PTPN4: variants seen among roughly 807,000 people sequenced by gnomAD.
The protein encoded by PTPN4 is tyrosine-protein phosphatase non-receptor type 4.
A neutral mutation model predicts 135.5 loss-of-function variants in PTPN4; 49 were observed. That is an observed-to-expected ratio of 0.36 (90% CI 0.29 to 0.46). The LOEUF (loss-of-function observed/expected upper bound fraction) is 0.46, where lower values mean the gene tolerates loss of function less well. PTPN4 is among the 20% of genes least tolerant of loss of function. The pLI is 1.00. For missense variants in PTPN4, 860 were observed against 1,101.0 expected (o/e 0.78, Z 3.10); for synonymous variants, 333 against 369.9 (o/e 0.90, Z 1.14).
At chr2:119,970,241 G>C (rs958345646) in intron 26 of PTPN4, among the ~76,000 whole-genome samples, 13 of 151,764 alleles carry the variant, frequency 8.6e-5, no homozygotes, top group Non-Finnish European at 1.9e-4. Flanking sequence ...TGTATTTTTA[G>C]TAGACACAGG....
In PTPN4 at chr2:119,906,897, G is replaced by C. The variant is rs1678497428; in HGVS notation, c.764+6091G>C. Among the ~76,000 whole-genome samples the C allele has an allele frequency of 1.3e-5, 2 of 152,142 alleles. 1 individual carries two copies. On this transcript the variant is annotated intron_variant, in intron 10 of 26. Coordinates refer to ENST00000263708, the MANE Select transcript of PTPN4 (RefSeq NM_002830.4). ...AATTGTTCCTCTTTGCAGAAAACCTGATCATAAAGAAAAGCCTGAAGACTC... is the reference window on the plus strand; with the variant it reads ...AATTGTTCCTCTTTGCAGAAAACCTCATCATAAAGAAAAGCCTGAAGACTC...
rs190884259 is a variant in PTPN4, at chr2:119,874,937, G to A, written c.247-2386G>A. Among the ~76,000 whole-genome samples the A allele has an allele frequency of 5.9e-5, 9 of 152,162 alleles. No individual in the cohort carries two copies. The South Asian group carries it at 6.2e-4, about 11-fold the overall frequency. On this transcript the variant is annotated intron_variant, in intron 3 of 26. Coordinates refer to ENST00000263708, the MANE Select transcript of PTPN4 (RefSeq NM_002830.4). ...TCTTCTCACGTGTGTGTCATCAAAC[G>A]TTTTAGTCTTTGCCCAATATTACTG...
In PTPN4 at chr2:119,984,421, G is replaced by A. The variant is rs1484436065; in HGVS notation, c.*7351G>A. On this transcript the variant is annotated 3_prime_UTR_variant, in exon 27 of 27. Transcript: ENST00000263708. ...TCATGTTTGATTCTATTAAACTAGT[G>A]GCAAAACAGAATTGGTCCCTTAGTT... 6.6e-6 allele frequency among the ~76,000 whole-genome samples: 1 copy of A among 152,028 alleles called. No individual in the cohort carries two copies. Among genetic ancestry groups the A allele is most frequent in the Non-Finnish European group, 1.5e-5 (1 of 68,000 alleles).
chr2:119,915,620 G>C (rs1678642323), intron 11 of PTPN4: 1 of 154,556 alleles, frequency 6.5e-6, no homozygotes, highest in Non-Finnish European at 1.4e-5. Context: ...TTTTAGGGGA[G>C]CTGAGTGTTA....
At chr2:119,795,716 A>T (rs188923261) in intron 1 of PTPN4, among the ~76,000 whole-genome samples, 5 of 152,200 alleles carry the variant, frequency 3.3e-5, no homozygotes, top group African/African-American at 1.2e-4. Context: ...TTGCAGCAAC[A>T]TCCATGCCTG....
chr2:119,802,027 A>C (rs1483441611), intron 1 of PTPN4, among the ~76,000 whole-genome samples: 1 of 150,380 alleles, frequency 6.6e-6, no homozygotes, highest in Non-Finnish European at 1.5e-5. Flanking sequence ...CAGTCTCCCA[A>C]GTAGCTGGGA....
At chr2:119,914,800 T>G (rs1435878927) in intron 10 of PTPN4, among the ~76,000 whole-genome samples, 2 of 152,138 alleles carry the variant, frequency 1.3e-5, no homozygotes, top group Non-Finnish European at 2.9e-5. Flanking sequence ...CAAAGGTAAA[T>G]TTTTAAAATT....
chr2:119,947,974 A>G (rs920727818), intron 18 of PTPN4, among the ~76,000 whole-genome samples: 11 of 152,058 alleles, frequency 7.2e-5, no homozygotes, highest in Non-Finnish European at 4.4e-5. Flanking sequence ...GTAAACCCTT[A>G]ATAGACCCAG....
chr2:119,794,672 T>G lies in PTPN4; in HGVS notation c.-17-15165T>G, dbSNP rs146273579. Among the ~76,000 whole-genome samples the G allele has an allele frequency of 7.1e-4, 108 of 152,314 alleles. 3 individuals carry two copies. In the East Asian group the frequency reaches 0.02, roughly 28 times the overall value. On this transcript the variant is annotated intron_variant, in intron 1 of 26. Transcript: ENST00000263708. ...GGAGAGTTTCTAGGTCTGGGCTCCCTGAAGGGCTGCAGCATTTCTCTCCTC... is the reference window on the plus strand; with the variant it reads ...GGAGAGTTTCTAGGTCTGGGCTCCCGGAAGGGCTGCAGCATTTCTCTCCTC...
intron 1 of PTPN4, among the ~76,000 whole-genome samples, chr2:119,764,261 T>C (rs1690567704): frequency 6.6e-6 from 1 of 152,178 alleles, no homozygotes; most frequent in Non-Finnish European, 1.5e-5. Flanking sequence ...TGGAACAAAG[T>C]TTGAATCTTT....
intron 5 of PTPN4, among the ~76,000 whole-genome samples, chr2:119,880,596 ATTTTTTTTTTTTTG>A (rs1218676188): frequency 1.4e-5 from 2 of 143,412 alleles, no homozygotes; most frequent in Non-Finnish European, 3.1e-5. Flanking sequence ...CGCCTGGCTA[ATTTTTTTTTTTTTG>A]TATTTTTAGT....
intron 19 of PTPN4, 52 bp from the exon 20 acceptor site, chr2:119,955,105 G>T: frequency 6.8e-7 from 1 of 1,469,508 alleles, no homozygotes; most frequent in Non-Finnish European, 9.2e-7. Flanking sequence ...CCTATCGTGT[G>T]AATTCATTAA....
In PTPN4 at chr2:119,818,992, A is replaced by G. The variant is rs202042513; in HGVS notation, c.138+9001A>G. On this transcript the variant is annotated intron_variant, in intron 2 of 26. Transcript: ENST00000263708. ...TTCTAACCCTGTGTACGCACATCCT[A>G]TGAAGCAAGTAAGGACCAAAGGGCA... Among the ~76,000 whole-genome samples, 11 of 152,298 alleles carry G rather than the reference A, an allele frequency of 7.2e-5. No individual in the cohort carries two copies. In the East Asian group the frequency reaches 1.9e-3, roughly 27 times the overall value.
chr2:119,909,859 T>C (rs1159978782), intron 10 of PTPN4, among the ~76,000 whole-genome samples: 1 of 151,986 alleles, frequency 6.6e-6, no homozygotes, highest in Non-Finnish European at 1.5e-5. Context: ...GGGGTGGAAA[T>C]AACAAGAGAA....
chr2:119,765,388 A>G (rs1196420661), intron 1 of PTPN4, among the ~76,000 whole-genome samples: 1 of 152,224 alleles, frequency 6.6e-6, no homozygotes, highest in Non-Finnish European at 1.5e-5. Context: ...TTAAAACCCT[A>G]GGACTGGGAT....
At chr2:119,800,946 A>G (rs1472051839) in intron 1 of PTPN4, among the ~76,000 whole-genome samples, 3 of 152,118 alleles carry the variant, frequency 2.0e-5, no homozygotes, top group Non-Finnish European at 1.5e-5. Flanking sequence ...CAGTCTTGAT[A>G]AATGTAGGTA....
chr2:119,841,673 C>T (rs941585111), intron 2 of PTPN4, among the ~76,000 whole-genome samples: 1 of 151,790 alleles, frequency 6.6e-6, no homozygotes. Flanking sequence ...TAGATTTACA[C>T]AATTTATGTT....
At chr2:119,827,182 A>T (rs1039044199) in intron 2 of PTPN4, among the ~76,000 whole-genome samples, 3 of 152,190 alleles carry the variant, frequency 2.0e-5, no homozygotes, top group African/African-American at 7.2e-5. Context: ...AGAATACTTG[A>T]AGGTTGCTTG....
chr2:119,955,045 C>T lies in PTPN4; in HGVS notation c.1814-112C>T, dbSNP rs1014734352. ...GACTCAGATCTGGTGTAATTCTTCACAAATGAATTATTTTTTGAACAAAAC... is the reference window on the plus strand; with the variant it reads ...GACTCAGATCTGGTGTAATTCTTCATAAATGAATTATTTTTTGAACAAAAC... On this transcript the variant is annotated intron_variant, in intron 19 of 26. Coordinates refer to ENST00000263708, the MANE Select transcript of PTPN4 (RefSeq NM_002830.4). The T allele has an allele frequency of 1.7e-4, 177 of 1,029,582 alleles. No homozygotes were observed. In the Middle Eastern group the frequency reaches 1.9e-3, roughly 11 times the overall value. The allele number at this position is 1,029,582 out of a possible 1,614,324, so 63.8% of individuals were successfully genotyped here. A position where few individuals can be genotyped will look rare whatever the true frequency, so the allele number is the denominator to read the frequency against.
Sources: allele counts gnomAD v4.1 joint callset (sites outside exome capture counted in the v4.1 genomes callset), GRCh38; gene constraint gnomAD v4.1.1; transcripts MANE v1.5; gene names NCBI Gene and HGNC (gene_info 2026-07-23, HGNC 2026-07-21).